The following UNC80 variants were observed in gnomAD, a reference collection of about 807,000 sequenced individuals.
UNC80 encodes unc-80 subunit of NALCN channel complex.
In UNC80, 164 loss-of-function variants were observed where a neutral mutation model predicts 384.6. The observed-to-expected ratio is 0.43, with a 90% CI of 0.38 to 0.49. The LOEUF is 0.49. Among genes scored for constraint, UNC80 ranks in the 20% least tolerant of loss-of-function variants. The pLI is 0.00. For synonymous variants in UNC80, 1,486 were observed against 1,527.8 expected (o/e 0.97, Z 0.64); for missense variants, 3,330 against 4,143.0 (o/e 0.80, Z 5.39).
intron 44 of UNC80, 150 bp downstream of exon 44, chr2:209,941,639 A>C (rs1220356134): frequency 5.1e-6 from 5 of 981,050 alleles, no homozygotes; most frequent in Non-Finnish European, 5.6e-6. Flanking sequence ...TCCCCCCATA[A>C]ATTTGCAAGA....
At chr2:209,944,408 T>C (rs889034856) in intron 45 of UNC80, among the ~76,000 whole-genome samples, 2 of 152,210 alleles carry the variant, frequency 1.3e-5, no homozygotes, top group African/African-American at 4.8e-5. Flanking sequence ...CAGAATTTAA[T>C]CTTCATGAAA....
chr2:209,808,701 G>T, intron 7 of UNC80: 1 of 112,362 alleles, frequency 8.9e-6, no homozygotes, highest in Non-Finnish European at 1.9e-5. Flanking sequence ...GTACTTAAGG[G>T]AGTTGGCGGA....
chr2:209,833,256 G>A (rs1395127982), intron 16 of UNC80, among the ~76,000 whole-genome samples: 1 of 137,844 alleles, frequency 7.3e-6, no homozygotes, highest in Non-Finnish European at 1.5e-5. Flanking sequence ...ATTCTGCCTT[G>A]CCATGAACTT....
intron 23 of UNC80, among the ~76,000 whole-genome samples, chr2:209,876,897 A>C (rs2084831869): frequency 6.6e-6 from 1 of 152,160 alleles, no homozygotes; most frequent in Admixed American, 6.6e-5. Context: ...ACACTCAAAA[A>C]TGTCTTTTCA....
At chr2:209,792,640 C>T (rs1341038263) in intron 6 of UNC80, among the ~76,000 whole-genome samples, 2 of 152,278 alleles carry the variant, frequency 1.3e-5, no homozygotes, top group East Asian at 3.9e-4. Context: ...AGCCACCGCG[C>T]CCGGTTCCAT....
Position 209,988,127 on chromosome 2 carries a change from G to A in UNC80, c.9314+3215G>A, listed in dbSNP as rs542826974. 2.8e-4 allele frequency among the ~76,000 whole-genome samples: 42 copies of A among 152,298 alleles called. 1 individual carries two copies. In the Middle Eastern group the frequency reaches 0.014, roughly 49 times the overall value. ...TAATCTTTTATTGAGAAAAGGGGAA[G>A]TAGGATTTAGTCTACTGCGTATTTC... On this transcript the variant is annotated intron_variant, in intron 61 of 64. Transcript: ENST00000673920.
chr2:209,939,295 G>A (rs377358376), intron 42 of UNC80, among the ~76,000 whole-genome samples, 177 bp from the exon 43 acceptor site: 226 of 152,266 alleles, frequency 1.5e-3, no homozygotes, highest in African/African-American at 5.2e-3. Flanking sequence ...ATTGAGAATT[G>A]TTTGCTCTTG....
At chr2:209,919,757 C>T (rs551203646) in intron 33 of UNC80, among the ~76,000 whole-genome samples, 2 of 152,220 alleles carry the variant, frequency 1.3e-5, no homozygotes, top group South Asian at 4.2e-4. Context: ...AAATACACAC[C>T]TGGTTCTTCT....
At chr2:209,793,434 G>A (rs1174265235) in intron 6 of UNC80, among the ~76,000 whole-genome samples, 3 of 152,144 alleles carry the variant, frequency 2.0e-5, no homozygotes, top group South Asian at 2.1e-4. Flanking sequence ...TAGATACTGG[G>A]TATGGAGATG....
chr2:209,954,321 GA>G (rs10713676), intron 48 of UNC80, 51 bp downstream of exon 48: 81,919 of 877,142 alleles, frequency 0.093, 619 homozygotes, highest in South Asian at 0.21. Flanking sequence ...TGTTTCCACT[GA>G]AAAAAAAAAA....
chr2:209,913,800 A>G lies in UNC80; in HGVS notation c.4891-2A>G, dbSNP rs2089226327. On this transcript the variant is annotated splice_acceptor_variant, in intron 30 of 64. Coordinates refer to ENST00000673920, the MANE Select transcript of UNC80 (RefSeq NM_001371986.1). LOFTEE classifies it high-confidence loss of function. ...TAAAACATGATTTCCATCTTTTCCC[A>G]GGTGATGAGCTTGTCGCCTGCTCCC... 1 of 1,540,816 alleles carries G rather than the reference A, an allele frequency of 6.5e-7. No homozygotes were observed. The highest frequency in any genetic ancestry group is 2.0e-5 in the Admixed American group (1 of 50,262).
chr2:209,807,747 G>A (rs2078999872), intron 7 of UNC80, among the ~76,000 whole-genome samples: 2 of 152,052 alleles, frequency 1.3e-5, no homozygotes, highest in Admixed American at 6.5e-5. Flanking sequence ...TTTATTGGAT[G>A]GTGATACTTT....
At chr2:209,903,187 A>G (rs896019571) in intron 28 of UNC80, among the ~76,000 whole-genome samples, 1 of 150,534 alleles carries the variant, frequency 6.6e-6, no homozygotes, top group African/African-American at 2.4e-5. Flanking sequence ...CATTTTAGTA[A>G]AAACAAAATT....
chr2:209,880,336 T>G (rs2085176331), intron 24 of UNC80, among the ~76,000 whole-genome samples: 1 of 152,228 alleles, frequency 6.6e-6, no homozygotes, highest in Admixed American at 6.5e-5. Context: ...ACATTTCTAG[T>G]ATAGCTATGC....
intron 14 of UNC80, among the ~76,000 whole-genome samples, chr2:209,826,896 T>C (rs1246934353): frequency 6.6e-6 from 1 of 152,164 alleles, no homozygotes; most frequent in Non-Finnish European, 1.5e-5. Context: ...CAAAATCTAA[T>C]GCCAGCCCAT....
At chr2:209,867,292 C>T (rs1256869759) in intron 22 of UNC80, among the ~76,000 whole-genome samples, 3 of 152,140 alleles carry the variant, frequency 2.0e-5, no homozygotes, top group Non-Finnish European at 4.4e-5. Flanking sequence ...GACGCCTAGG[C>T]TCAAATATGA....
intron 51 of UNC80, chr2:209,961,122 A>G (rs904488033): frequency 2.0e-5 from 3 of 152,070 alleles, no homozygotes; most frequent in Non-Finnish European, 4.4e-5. Context: ...AGACTATGAG[A>G]TAGTGACTGT....
chr2:209,972,145 A>G, intron 54 of UNC80, 56 bp from the exon 55 acceptor site: 1 of 1,531,280 alleles, frequency 6.5e-7, no homozygotes, highest in Non-Finnish European at 8.8e-7. Flanking sequence ...GTAAAAACAA[A>G]CATACTAAAT....
At chr2:209,835,110 T>G in intron 18 of UNC80, 100 bp downstream of exon 18, 1 of 953,304 alleles carries the variant, frequency 1.0e-6, no homozygotes, top group African/African-American at 1.6e-5. Context: ...TTTCATCTCC[T>G]TTGAATTTTG....
Sources: gnomAD v4.1 joint callset for allele counts (sites outside exome capture counted in the v4.1 genomes callset) on GRCh38, gnomAD v4.1.1 for gene constraint, MANE v1.5 for transcripts, NCBI Gene and HGNC (gene_info 2026-07-23, HGNC 2026-07-21) for gene names.